Variants in FOXJ3 observed in about 807,000 individuals in gnomAD.
The protein encoded by FOXJ3 is forkhead box protein J3.
A neutral mutation model predicts 76.1 loss-of-function variants in FOXJ3; 22 were observed. The observed-to-expected ratio is 0.29, with a 90% CI of 0.21 to 0.41. The LOEUF (loss-of-function observed/expected upper bound fraction) is 0.41, where lower values mean the gene tolerates loss of function less well. Ranked by LOEUF, FOXJ3 falls within the 10% of genes least tolerant of loss-of-function variation. FOXJ3 has a pLI of 1.00. For missense variants in FOXJ3, 613 were observed against 762.1 expected (o/e 0.80, Z 2.30); for synonymous variants, 269 against 261.2 (o/e 1.03, Z -0.29).
At position 42,264,346 on chromosome 1, in the gene FOXJ3, G is replaced by A. The variant is rs530990478; in HGVS notation, c.444+769C>T. ...AAGAAGAGAAAGTAAACACCTCCTG[G>A]ACACTAAGGAATACTTTTAAGCAAG... On this transcript the variant is annotated intron_variant, in intron 4 of 12. Transcript: ENST00000361346. 7.9e-5 allele frequency among the ~76,000 whole-genome samples: 12 copies of A among 152,160 alleles called. No homozygotes were observed. In the South Asian group the frequency reaches 2.3e-3, roughly 29 times the overall value.
intron 5 of FOXJ3, among the ~76,000 whole-genome samples, chr1:42,225,371 ACT>A (rs1327032612): frequency 6.6e-6 from 1 of 152,104 alleles, no homozygotes; most frequent in East Asian, 1.9e-4. Flanking sequence ...TAAAATATAA[ACT>A]CTGTCCTAAC....
intron 2 of FOXJ3, among the ~76,000 whole-genome samples, chr1:42,302,118 A>C (rs866570488): frequency 6.6e-6 from 1 of 152,142 alleles, no homozygotes; most frequent in African/African-American, 2.4e-5. Context: ...AATGCTGGTT[A>C]TATCAGTGAT....
In FOXJ3 at chr1:42,263,176, G is replaced by A. The variant is rs567334241; in HGVS notation, c.444+1939C>T. Among the ~76,000 whole-genome samples, 6 of 152,178 alleles carry A rather than the reference G, an allele frequency of 3.9e-5. No homozygotes were observed. In the South Asian group the frequency reaches 1.2e-3, roughly 32 times the overall value. On this transcript the variant is annotated intron_variant, in intron 4 of 12. Coordinates refer to ENST00000361346, the MANE Select transcript of FOXJ3 (RefSeq NM_014947.5). ...CTGTCTTACCCCATATATTAAAGAT[G>A]AACAAAAGCTTAAACTTCTACACAA... is the stretch of plus-strand genomic sequence containing the variant.
chr1:42,301,948 G>T (rs1450411105), intron 2 of FOXJ3, among the ~76,000 whole-genome samples: 1 of 151,802 alleles, frequency 6.6e-6, no homozygotes, highest in African/African-American at 2.4e-5. Flanking sequence ...CTTATTTTTT[G>T]AATTTGCTTT....
intron 6 of FOXJ3, among the ~76,000 whole-genome samples, chr1:42,201,480 A>G (rs1195119715): frequency 6.6e-6 from 1 of 152,218 alleles, no homozygotes; most frequent in Non-Finnish European, 1.5e-5. Flanking sequence ...TATTCCGTAT[A>G]AAATGTGGAG....
At chr1:42,265,273 C>T in intron 3 of FOXJ3, 84 bp from the exon 4 acceptor site, 1 of 660,738 alleles carries the variant, frequency 1.5e-6, no homozygotes, top group Non-Finnish European at 2.6e-6. Flanking sequence ...GAAATCTAAA[C>T]ATCTTTATGC....
At chr1:42,321,435 A>T (rs1655421856) in intron 1 of FOXJ3, among the ~76,000 whole-genome samples, 1 of 152,272 alleles carries the variant, frequency 6.6e-6, no homozygotes, top group South Asian at 2.1e-4. Flanking sequence ...CACTGAATGG[A>T]CTGTTTCTAA....
chr1:42,302,139 C>T (rs1192196896), intron 2 of FOXJ3, among the ~76,000 whole-genome samples: 2 of 152,108 alleles, frequency 1.3e-5, no homozygotes, highest in Admixed American at 6.5e-5. Flanking sequence ...GTACTGGGCA[C>T]GTGAGCAGGC....
chr1:42,234,179 A>G (rs1648389760), intron 4 of FOXJ3, among the ~76,000 whole-genome samples: 1 of 152,262 alleles, frequency 6.6e-6, no homozygotes, highest in East Asian at 1.9e-4. Flanking sequence ...CCTTTCTTCC[A>G]GTTAATCAAA....
chr1:42,298,407 T>C (rs915411144), intron 2 of FOXJ3, among the ~76,000 whole-genome samples: 7 of 152,220 alleles, frequency 4.6e-5, no homozygotes, highest in African/African-American at 1.4e-4. Context: ...CGAGGTTGTA[T>C]CTTTCCAGGA....
chr1:42,225,785 A>C (rs1647509233), intron 5 of FOXJ3, among the ~76,000 whole-genome samples: 1 of 152,154 alleles, frequency 6.6e-6, no homozygotes, highest in Admixed American at 6.5e-5. Flanking sequence ...TCAATAACAC[A>C]TGTTTTTGTA....
At chr1:42,282,001 G>A (rs1652752209) in intron 2 of FOXJ3, among the ~76,000 whole-genome samples, 1 of 151,972 alleles carries the variant, frequency 6.6e-6, no homozygotes, top group Non-Finnish European at 1.5e-5. Context: ...GAAGGTTGCA[G>A]TGAGCCGAGG....
chr1:42,178,630 A>C lies in FOXJ3; in HGVS notation c.*1080T>G, dbSNP rs1010573537. ...TGAAACCCCATCTCTACTAAAATAC[A>C]AAAAATCAGCCAGGCATGGCGGTGT... is the stretch of plus-strand genomic sequence containing the variant. On this transcript the variant is annotated 3_prime_UTR_variant, in exon 13 of 13. Coordinates refer to ENST00000361346, the MANE Select transcript of FOXJ3 (RefSeq NM_014947.5). The C allele has an allele frequency of 6.6e-6, 1 of 152,152 alleles. No individual in the cohort carries two copies. The highest frequency in any genetic ancestry group is 1.5e-5 in the Non-Finnish European group (1 of 68,042). 9.4% of individuals were successfully genotyped at this position (152,152 alleles called of 1,614,324 possible).
chr1:42,308,325 G>A (rs1208995013), intron 2 of FOXJ3, among the ~76,000 whole-genome samples: 1 of 152,226 alleles, frequency 6.6e-6, no homozygotes, highest in Non-Finnish European at 1.5e-5. Context: ...GGGTAGTGTA[G>A]TGTGCAGGGG....
chr1:42,334,385 C>T lies in FOXJ3; in HGVS notation c.-18+674G>A, dbSNP rs923944001. ...ACAGAGGAAAAACCATCCCGTTAAC[C>T]TCCCTCCTCACCAGCTGCAAAAATG... is the stretch of plus-strand genomic sequence containing the variant. On this transcript the variant is annotated intron_variant, in intron 1 of 12. Transcript: ENST00000361346. 2.6e-5 allele frequency among the ~76,000 whole-genome samples: 4 copies of T among 152,316 alleles called. No homozygotes were observed. In the East Asian group the frequency reaches 5.8e-4, roughly 22 times the overall value.
intron 4 of FOXJ3, among the ~76,000 whole-genome samples, chr1:42,254,672 G>T (rs1369854992): frequency 2.8e-5 from 4 of 143,570 alleles, no homozygotes; most frequent in African/African-American, 7.7e-5. Context: ...TAGGGACATG[G>T]ATGAAATTGG....
At chr1:42,250,741 A>G (rs1649959882) in intron 4 of FOXJ3, among the ~76,000 whole-genome samples, 1 of 148,712 alleles carries the variant, frequency 6.7e-6, no homozygotes, top group South Asian at 2.2e-4. Flanking sequence ...GGTTGCAGTG[A>G]GCAGAGAAAT....
intron 4 of FOXJ3, among the ~76,000 whole-genome samples, chr1:42,259,698 T>C (rs1650887435): frequency 6.6e-6 from 1 of 152,222 alleles, no homozygotes. Context: ...ACATTCATAA[T>C]TCACCTCTGT....
rs565217808 is a variant in FOXJ3 at position 42,303,260 on chromosome 1, A to C, written c.44+7790T>G. ...ATATATCTTTGAGTTACTTAACTTT[A>C]CCTCAGTTTCCTCACTTGTGAAGTA... On this transcript the variant is annotated intron_variant, in intron 2 of 12. Coordinates refer to ENST00000361346, the MANE Select transcript of FOXJ3 (RefSeq NM_014947.5). Among the ~76,000 whole-genome samples the C allele has an allele frequency of 3.3e-5, 5 of 152,296 alleles. No homozygotes were observed. In the East Asian group the frequency reaches 9.6e-4, roughly 29 times the overall value.
Sources: allele counts gnomAD v4.1 joint callset (sites outside exome capture counted in the v4.1 genomes callset), GRCh38; gene constraint gnomAD v4.1.1; transcripts MANE v1.5; gene names NCBI Gene and HGNC (gene_info 2026-07-23, HGNC 2026-07-21).